Variants in MSR1 observed in about 807,000 individuals in gnomAD.
MSR1 encodes the protein macrophage scavenger receptor 1, also known as macrophage scavenger receptor types I and II.
MSR1 carries 53 observed loss-of-function variants against 47.2 expected under a neutral mutation model. That is an observed-to-expected ratio of 1.12 (90% CI 0.90 to 1.41). The LOEUF (loss-of-function observed/expected upper bound fraction) is 1.41, where lower values mean the gene tolerates loss of function less well. Among genes scored for constraint, MSR1 ranks in the 40% most tolerant of loss-of-function variants. MSR1 has a pLI of 0.00. For missense variants in MSR1, 786 were observed against 546.9 expected (o/e 1.44, Z -4.36); for synonymous variants, 239 against 185.6 (o/e 1.29, Z -2.34).
intron 4 of MSR1, among the ~76,000 whole-genome samples, chr8:16,166,889 G>A (rs890583281): frequency 6.6e-6 from 1 of 151,596 alleles, no homozygotes; most frequent in Non-Finnish European, 1.5e-5. Flanking sequence ...AATTATTCAA[G>A]CAATGGGGAT....
At chr8:16,112,123 G>A (rs1389664051) in intron 9 of MSR1, among the ~76,000 whole-genome samples, 1 of 152,036 alleles carries the variant, frequency 6.6e-6, no homozygotes, top group Admixed American at 6.6e-5. Context: ...TCTTATTCTG[G>A]TTATTTTTCC....
chr8:16,173,030 A>G (rs1216406053), intron 3 of MSR1, among the ~76,000 whole-genome samples: 1 of 152,208 alleles, frequency 6.6e-6, no homozygotes, highest in Non-Finnish European at 1.5e-5. Context: ...TGAATTGTTT[A>G]TTGTTAATAC....
At chr8:16,140,934 C>G in intron 8 of MSR1, 1 of 1,613,134 alleles carries the variant, frequency 6.2e-7, no homozygotes, top group Non-Finnish European at 8.5e-7. Context: ...GTGCAGATGA[C>G]TTGTCCAGAG....
chr8:16,123,112 T>C (rs1272995993), intron 8 of MSR1, among the ~76,000 whole-genome samples: 1 of 152,162 alleles, frequency 6.6e-6, no homozygotes, highest in Admixed American at 6.5e-5. Flanking sequence ...GCCAAAGTGC[T>C]GGGATTACAG....
chr8:16,129,858 T>C (rs1052410962), intron 8 of MSR1, among the ~76,000 whole-genome samples: 1 of 152,098 alleles, frequency 6.6e-6, no homozygotes, highest in Non-Finnish European at 1.5e-5. Flanking sequence ...GTGCTTGAAT[T>C]TGAGCAAAAT....
Position 16,168,909 on chromosome 8 carries a change from T to C in MSR1, c.218-39A>G, listed in dbSNP as rs757147919. The C allele has an allele frequency of 1.9e-6, 3 of 1,579,870 alleles. No individual in the cohort carries two copies. In the South Asian group the frequency reaches 3.3e-5, roughly 17 times the overall value. On this transcript the variant is annotated intron_variant, in intron 3 of 9. Coordinates refer to ENST00000262101, the MANE Select transcript of MSR1 (RefSeq NM_138715.3). ...TAAAAATAAACCAGTCATGGCCTGA[T>C]CCTTGAATGCATACAGGATCCCATC... is the stretch of plus-strand genomic sequence containing the variant.
chr8:16,141,019 T>A (rs2117108236), intron 8 of MSR1: 2 of 1,613,780 alleles, frequency 1.2e-6, no homozygotes, highest in East Asian at 4.5e-5. Context: ...GGCCCTGCCC[T>A]AATATGATCA....
intron 2 of MSR1, among the ~76,000 whole-genome samples, chr8:16,177,036 A>G (rs914087239): frequency 3.9e-5 from 6 of 152,212 alleles, no homozygotes; most frequent in Non-Finnish European, 7.3e-5. Context: ...TAGCAGAATT[A>G]TAAGTAACTT....
Position 16,120,616 on chromosome 8 carries a change from T to TAAAATAAA in MSR1, c.1034-11_1034-10insTTTATTTT. The TAAAATAAA allele has an allele frequency of 8.4e-7, 1 of 1,195,930 alleles. No homozygotes were observed. Among genetic ancestry groups the TAAAATAAA allele is most frequent in the Non-Finnish European group, 1.1e-6 (1 of 940,724 alleles). The allele number at this position is 1,195,930 out of a possible 1,614,324, so 74.1% of individuals were successfully genotyped here. On this transcript the variant is annotated splice_polypyrimidine_tract_variant and intron_variant, in intron 8 of 9. Coordinates refer to ENST00000262101, the MANE Select transcript of MSR1 (RefSeq NM_138715.3). ...ACTTTCGTAAATGGAGCTGTAAAGT[T>TAAAATAAA]AAAAAAAAAAAAAAAAAAAAAAAAA... is the stretch of plus-strand genomic sequence containing the variant.
chr8:16,130,166 T>C (rs1225981764), intron 8 of MSR1, among the ~76,000 whole-genome samples: 2 of 152,198 alleles, frequency 1.3e-5, no homozygotes, highest in Admixed American at 1.3e-4. Context: ...GGATCCATAA[T>C]TGATTTAAAT....
chr8:16,184,592 T>C (rs1801939307), intron 1 of MSR1, among the ~76,000 whole-genome samples: 1 of 152,178 alleles, frequency 6.6e-6, no homozygotes, highest in South Asian at 2.1e-4. Context: ...TAAATTGATC[T>C]GGCTTTCACA....
At chr8:16,126,337 CA>C in intron 8 of MSR1, among the ~76,000 whole-genome samples, 1 of 152,030 alleles carries the variant, frequency 6.6e-6, no homozygotes, top group Non-Finnish European at 1.5e-5. Flanking sequence ...AGGAGCATAA[CA>C]GTTATTATCC....
chr8:16,168,377 T>C, intron 4 of MSR1, 81 bp downstream of exon 4: 1 of 1,459,626 alleles, frequency 6.9e-7, no homozygotes, highest in Non-Finnish European at 9.6e-7. Context: ...TTGCAACTTT[T>C]GCTTTCCTGT....
chr8:16,121,841 A>C (rs1432989677), intron 8 of MSR1, among the ~76,000 whole-genome samples: 1 of 151,532 alleles, frequency 6.6e-6, no homozygotes, highest in Non-Finnish European at 1.5e-5. Flanking sequence ...AGAAATATTC[A>C]GTAACTTCTT....
At chr8:16,145,011 C>CAT (rs1800660742) in intron 7 of MSR1, among the ~76,000 whole-genome samples, 1 of 151,942 alleles carries the variant, frequency 6.6e-6, no homozygotes, top group African/African-American at 2.4e-5. Flanking sequence ...TAAAAAAATA[C>CAT]ATATATATAA....
At chr8:16,135,132 A>G (rs1325573174) in intron 8 of MSR1, among the ~76,000 whole-genome samples, 1 of 152,180 alleles carries the variant, frequency 6.6e-6, no homozygotes, top group African/African-American at 2.4e-5. Flanking sequence ...AGGTTACTAC[A>G]CTACACAACA....
At chr8:16,183,978 T>C (rs976396130) in intron 1 of MSR1, among the ~76,000 whole-genome samples, 1 of 149,370 alleles carries the variant, frequency 6.7e-6, no homozygotes, top group African/African-American at 2.5e-5. Context: ...AAGGTAGGAA[T>C]ACAGAAAAGA....
intron 7 of MSR1, among the ~76,000 whole-genome samples, chr8:16,149,989 T>C (rs1004222000): frequency 1.3e-5 from 2 of 151,702 alleles, no homozygotes; most frequent in Non-Finnish European, 2.9e-5. Context: ...GAAGTCAGTT[T>C]CAAAAATCTG....
At chr8:16,181,015 G>A (rs1390002129) in intron 1 of MSR1, among the ~76,000 whole-genome samples, 1 of 151,266 alleles carries the variant, frequency 6.6e-6, no homozygotes, top group African/African-American at 2.4e-5. Context: ...ATTGTAAGAA[G>A]CCAAACTGGA....
Sources: allele counts gnomAD v4.1 joint callset (sites outside exome capture counted in the v4.1 genomes callset), GRCh38; gene constraint gnomAD v4.1.1; transcripts MANE v1.5; gene names NCBI Gene and HGNC (gene_info 2026-07-23, HGNC 2026-07-21).